The following TTC23L variants were observed in gnomAD, a reference collection of about 807,000 sequenced individuals.
TTC23L encodes the protein tetratricopeptide repeat protein 23-like.
In TTC23L, 42 loss-of-function variants were observed where a neutral mutation model predicts 48.1. The ratio of observed to expected loss-of-function variants is 0.87; its 90% CI spans 0.68 to 1.13. The LOEUF (loss-of-function observed/expected upper bound fraction) is 1.13, where lower values mean the gene tolerates loss of function less well. TTC23L is among the 50% of genes most tolerant of loss of function. The pLI is 0.00. For synonymous variants in TTC23L, 159 were observed against 157.2 expected, an observed-to-expected ratio of 1.01 and a Z score of -0.09; for missense variants, 391 against 421.0, an observed-to-expected ratio of 0.93 and a Z score of 0.62.
intron 8 of TTC23L, chr5:34,869,811 C>T (rs144822616): frequency 1.1e-3 from 173 of 152,254 alleles, no homozygotes; most frequent in African/African-American, 4.0e-3. Context: ...CTTGTATTCC[C>T]CATGTCATTA....
chr5:34,895,241 C>T lies in TTC23L; in HGVS notation c.1078-1529C>T, dbSNP rs1763137936. 3.9e-5 allele frequency among the ~76,000 whole-genome samples: 6 copies of T among 152,210 alleles called. No individual in the cohort carries two copies. The South Asian group carries it at 1.0e-3, about 26-fold the overall frequency. ...CTGTGTTTGAATCCAGGCTCTACCACTTTCTATGTGCCATTAGGCAAGTTA... is the reference window on the plus strand; with the variant it reads ...CTGTGTTTGAATCCAGGCTCTACCATTTTCTATGTGCCATTAGGCAAGTTA... On this transcript the variant is annotated intron_variant, in intron 9 of 10. Coordinates refer to ENST00000505624, the Ensembl canonical transcript of TTC23L.
chr5:34,874,139 A>C (rs1483557055), intron 8 of TTC23L, among the ~76,000 whole-genome samples: 1 of 152,210 alleles, frequency 6.6e-6, no homozygotes, highest in Non-Finnish European at 1.5e-5. Context: ...CAAATTGGAG[A>C]GACAGCAAAA....
chr5:34,913,627 AATAAT>A, the TTC23L span: 42 of 1,140,510 alleles, frequency 3.7e-5, no homozygotes, highest in Middle Eastern at 2.0e-4. Context: ...AATAAAAACT[AATAAT>A]ATAAGGTCCT....
At chr5:34,842,507 CAG>C (rs1037849369) in intron 2 of TTC23L, among the ~76,000 whole-genome samples, 81 of 152,210 alleles carry the variant, frequency 5.3e-4, no homozygotes, top group African/African-American at 1.9e-3. Context: ...AAGAAGGGGT[CAG>C]GGGGCACCTT....
chr5:34,839,985 G>A (rs1758472434), intron 1 of TTC23L, among the ~76,000 whole-genome samples: 1 of 152,180 alleles, frequency 6.6e-6, no homozygotes. Flanking sequence ...TCCGCCTCCC[G>A]GGTTCAAGCG....
chr5:34,899,153 T>G (rs1425257565), intron 10 of TTC23L, among the ~76,000 whole-genome samples: 3 of 152,338 alleles, frequency 2.0e-5, no homozygotes, highest in Admixed American at 2.0e-4. Context: ...AGCTCCCTGC[T>G]GTTTAGGAAG....
intron 9 of TTC23L, among the ~76,000 whole-genome samples, chr5:34,896,456 A>C (rs1444480370): frequency 1.3e-5 from 2 of 152,196 alleles, no homozygotes; most frequent in African/African-American, 4.8e-5. Flanking sequence ...TGTGAATCCC[A>C]AAAACCATGC....
At chr5:34,862,843 G>A in intron 4 of TTC23L, 55 bp from the exon 5 acceptor site, 1 of 1,600,874 alleles carries the variant, frequency 6.2e-7, no homozygotes, top group Non-Finnish European at 8.5e-7. Context: ...GTTTTTGACT[G>A]AAGCATGCCT....
chr5:34,869,659 G>A (rs1290642868), intron 8 of TTC23L: 1 of 152,114 alleles, frequency 6.6e-6, no homozygotes, highest in East Asian at 1.9e-4. Flanking sequence ...AGGAATTTAG[G>A]CTTCATGAAG....
chr5:34,910,904 A>G, the TTC23L span, among the ~76,000 whole-genome samples: 2 of 152,236 alleles, frequency 1.3e-5, no homozygotes, highest in South Asian at 2.1e-4. Flanking sequence ...GTGTTAAACT[A>G]TCAAGAACAG....
the TTC23L span, among the ~76,000 whole-genome samples, chr5:34,924,629 A>C: frequency 6.6e-6 from 1 of 152,228 alleles, no homozygotes; most frequent in South Asian, 2.1e-4. Context: ...CTCAATTTTA[A>C]AAGAACTCAC....
At chr5:34,921,850 C>A in the TTC23L span, 758 of 150,570 alleles carry the variant, frequency 5.0e-3, 3 homozygotes, top group Non-Finnish European at 8.6e-3. Context: ...GAGGTTGCGG[C>A]GAGCCGAGAT....
At chr5:34,909,158 T>G in the TTC23L span, 1 of 999,856 alleles carries the variant, frequency 1.0e-6, no homozygotes. Context: ...TAAAATGCTG[T>G]GCATTTTAAT....
the TTC23L span, chr5:34,918,167 G>T: frequency 5.6e-6 from 2 of 354,428 alleles, no homozygotes; most frequent in Non-Finnish European, 5.2e-6. Context: ...AAAACTAGCT[G>T]GACATGGTGG....
At chr5:34,884,624 TA>T (rs774011217) in intron 9 of TTC23L, among the ~76,000 whole-genome samples, 40 of 152,004 alleles carry the variant, frequency 2.6e-4, no homozygotes, top group Non-Finnish European at 4.3e-4. Context: ...AAATCAGTTG[TA>T]TTTTTATATG....
chr5:34,891,979 G>A (rs535082645), intron 9 of TTC23L, among the ~76,000 whole-genome samples: 25 of 152,322 alleles, frequency 1.6e-4, no homozygotes, highest in African/African-American at 5.8e-4. Context: ...GGGAAAAGAA[G>A]AGTCTTTTAA....
At chr5:34,918,140 C>CA in the TTC23L span, 26,252 of 103,188 alleles carry the variant, frequency 0.25, 1,197 homozygotes, top group African/African-American at 0.38. Flanking sequence ...CCCATCTCTA[C>CA]AAAAAAAAAA....
chr5:34,889,811 C>A (rs1171996418), intron 9 of TTC23L, among the ~76,000 whole-genome samples: 1 of 151,948 alleles, frequency 6.6e-6, no homozygotes, highest in Non-Finnish European at 1.5e-5. Context: ...GATTTATAAA[C>A]CACATTATTA....
At chr5:34,896,920 G>C (rs897383551) in intron 10 of TTC23L, 45 bp downstream of exon 10, 5 of 654,984 alleles carry the variant, frequency 7.6e-6, no homozygotes, top group Non-Finnish European at 1.4e-5. Flanking sequence ...GTCCTGAAAG[G>C]GGCTGCAAGA....
Sources: gnomAD v4.1 joint callset for allele counts (sites outside exome capture counted in the v4.1 genomes callset) on GRCh38, gnomAD v4.1.1 for gene constraint, MANE v1.5 for transcripts, NCBI Gene and HGNC (gene_info 2026-07-23, HGNC 2026-07-21) for gene names.